The following KDM4C variants were observed in gnomAD, a reference collection of about 807,000 sequenced individuals.
KDM4C encodes lysine-specific demethylase 4C.
In KDM4C, 81 loss-of-function variants were observed where a neutral mutation model predicts 129.3. The observed-to-expected ratio is 0.63, with a 90% CI of 0.52 to 0.75. KDM4C has a LOEUF of 0.75. Ranked by LOEUF, KDM4C falls within the 30% of genes least tolerant of loss-of-function variation. The pLI, the probability that KDM4C is intolerant of heterozygous loss-of-function variation, is 0.00. For synonymous variants in KDM4C, 573 were observed against 456.1 expected (o/e 1.26, Z -3.26); for missense variants, 1,457 against 1,304.0 (o/e 1.12, Z -1.81).
intron 6 of KDM4C, among the ~76,000 whole-genome samples, chr9:6,881,648 T>C (rs978221971): frequency 1.3e-5 from 2 of 152,226 alleles, no homozygotes; most frequent in African/African-American, 4.8e-5. Flanking sequence ...TGTCTGAAAA[T>C]GACATTCCAG....
In KDM4C at chr9:6,909,795, T is replaced by TA. The variant is rs926533260; in HGVS notation, c.921+16570dup. Among the ~76,000 whole-genome samples the TA allele has an allele frequency of 4.6e-5, 7 of 152,200 alleles. No homozygotes were observed. In the East Asian group the frequency reaches 9.6e-4, roughly 21 times the overall value. The stretch of plus-strand genomic sequence containing the variant: ...GATTTCTGTCCCGCTAAAAAATTCT[T>TA]AAAAAAATATTTAATGTTAAATATA... On this transcript the variant is annotated intron_variant, in intron 8 of 21. Transcript: ENST00000381309.
intron 17 of KDM4C, chr9:7,076,489 G>C: frequency 6.5e-7 from 1 of 1,549,716 alleles, no homozygotes; most frequent in Non-Finnish European, 8.7e-7. Context: ...TAACAATGAA[G>C]GCTCACTGTG....
intron 5 of KDM4C, among the ~76,000 whole-genome samples, chr9:6,860,205 C>T (rs1416991953): frequency 3.3e-5 from 5 of 151,584 alleles, no homozygotes; most frequent in Admixed American, 1.3e-4. Context: ...GATGGGGGGG[C>T]GTTTGGAGGT....
chr9:7,146,140 C>A (rs965471149), intron 19 of KDM4C, among the ~76,000 whole-genome samples: 1 of 152,130 alleles, frequency 6.6e-6, no homozygotes, highest in African/African-American at 2.4e-5. Flanking sequence ...ATGGAAAAAT[C>A]AGGCACAAAA....
At chr9:6,914,399 G>A (rs946799358) in intron 8 of KDM4C, among the ~76,000 whole-genome samples, 2 of 152,064 alleles carry the variant, frequency 1.3e-5, no homozygotes, top group Non-Finnish European at 2.9e-5. Flanking sequence ...ATAAAGCATT[G>A]TCTAAGACAG....
At chr9:6,872,441 G>A (rs190635587) in intron 5 of KDM4C, among the ~76,000 whole-genome samples, 5 of 152,216 alleles carry the variant, frequency 3.3e-5, no homozygotes, top group East Asian at 1.9e-4. Context: ...TTTCTGTCTC[G>A]TTTATCTGTC....
chr9:7,003,260 C>T (rs1821063616), intron 12 of KDM4C, among the ~76,000 whole-genome samples: 1 of 152,162 alleles, frequency 6.6e-6, no homozygotes, highest in African/African-American at 2.4e-5. Flanking sequence ...TAGCCAGATA[C>T]CTTTGTTAAT....
At chr9:7,036,260 G>C (rs982497253) in intron 15 of KDM4C, among the ~76,000 whole-genome samples, 1 of 152,164 alleles carries the variant, frequency 6.6e-6, no homozygotes, top group African/African-American at 2.4e-5. Context: ...TTTGTTGTCA[G>C]TGGTCATGCT....
At chr9:7,019,697 T>TTATATTTTATATATAAA (rs1824322076) in intron 15 of KDM4C, among the ~76,000 whole-genome samples, 1 of 128,276 alleles carries the variant, frequency 7.8e-6, no homozygotes, top group Non-Finnish European at 1.6e-5. Flanking sequence ...TATAAAAATA[T>TTATATTTTATATATAAA]AATATTTTTA....
chr9:7,016,146 G>T (rs867725606), intron 15 of KDM4C, among the ~76,000 whole-genome samples: 1,381 of 114,164 alleles, frequency 0.012, 9 homozygotes, highest in African/African-American at 0.044. Context: ...TTTTTTTTTT[G>T]AGACGGAGTC....
At chr9:6,791,180 C>T (rs561256857) in intron 1 of KDM4C, among the ~76,000 whole-genome samples, 3 of 152,272 alleles carry the variant, frequency 2.0e-5, no homozygotes, top group Non-Finnish European at 2.9e-5. Flanking sequence ...GGCATGATCT[C>T]GGCTTACTGC....
chr9:6,741,891 T>TACAC (rs34722839), intron 1 of KDM4C, among the ~76,000 whole-genome samples: 1 of 149,308 alleles, frequency 6.7e-6, no homozygotes, highest in Non-Finnish European at 1.5e-5. Flanking sequence ...AAAATGTTGT[T>TACAC]ACACACACAC....
At chr9:6,966,949 A>G (rs1237032074) in intron 8 of KDM4C, among the ~76,000 whole-genome samples, 2 of 152,210 alleles carry the variant, frequency 1.3e-5, no homozygotes, top group African/African-American at 4.8e-5. Context: ...GGGTCTCGTT[A>G]AAGTTAAAAA....
chr9:6,990,660 A>G, intron 12 of KDM4C, 136 bp downstream of exon 12: 2 of 604,644 alleles, frequency 3.3e-6, no homozygotes, highest in East Asian at 3.0e-5. Flanking sequence ...ATACATAATA[A>G]ATAATTTACA....
At chr9:6,769,938 T>G (rs1821405292) in intron 1 of KDM4C, among the ~76,000 whole-genome samples, 7 of 152,166 alleles carry the variant, frequency 4.6e-5, no homozygotes, top group Admixed American at 4.6e-4. Flanking sequence ...CACAGCACTT[T>G]GGGAGGTTGA....
rs886737836 is a variant in KDM4C at position 6,962,434 on chromosome 9, C to T, written c.922-18491C>T. The stretch of plus-strand genomic sequence containing the variant: ...AGTTAAGGATAATTGCAATTTTCAG[C>T]TTCTGAGATAATCACATAATCAGAC... On this transcript the variant is annotated intron_variant, in intron 8 of 21. Coordinates refer to ENST00000381309, the MANE Select transcript of KDM4C (RefSeq NM_015061.6). Among the ~76,000 whole-genome samples, 14 of 152,298 alleles carry T rather than the reference C, an allele frequency of 9.2e-5. No individual in the cohort carries two copies. The South Asian group carries it at 2.9e-3, about 32-fold the overall frequency.
chr9:7,132,949 A>G (rs777585267), intron 19 of KDM4C, among the ~76,000 whole-genome samples: 1 of 152,200 alleles, frequency 6.6e-6, no homozygotes, highest in Non-Finnish European at 1.5e-5. Flanking sequence ...TACATTTTTC[A>G]GCTTTGGTTG....
intron 11 of KDM4C, among the ~76,000 whole-genome samples, chr9:6,989,330 A>C (rs1327898796): frequency 6.6e-6 from 1 of 151,694 alleles, no homozygotes; most frequent in Non-Finnish European, 1.5e-5. Context: ...TTCATAGTCA[A>C]CTCTTGATGT....
intron 8 of KDM4C, among the ~76,000 whole-genome samples, chr9:6,951,321 T>C (rs1828103661): frequency 6.6e-6 from 1 of 152,334 alleles, no homozygotes; most frequent in East Asian, 1.9e-4. Context: ...TCCCTGTCCT[T>C]ATATGCTTTT....
Sources: allele counts gnomAD v4.1 joint callset (sites outside exome capture counted in the v4.1 genomes callset), GRCh38; gene constraint gnomAD v4.1.1; transcripts MANE v1.5; gene names NCBI Gene and HGNC (gene_info 2026-07-23, HGNC 2026-07-21).